Variants in PDE10A observed in about 807,000 individuals in gnomAD.
PDE10A encodes the protein phosphodiesterase 10A, also known as cAMP and cAMP-inhibited cGMP 3',5'-cyclic phosphodiesterase 10A.
In PDE10A, 39 loss-of-function variants were observed where a neutral mutation model predicts 97.7. The ratio of observed to expected loss-of-function variants is 0.40; its 90% CI spans 0.31 to 0.52. The LOEUF (loss-of-function observed/expected upper bound fraction) is 0.52, where lower values mean the gene tolerates loss of function less well. Among genes scored for constraint, PDE10A ranks in the 20% least tolerant of loss-of-function variants. The pLI is 0.56. For missense variants in PDE10A, 731 were observed against 1,047.8 expected (o/e 0.70, Z 4.17); for synonymous variants, 371 against 376.8 (o/e 0.98, Z 0.18).
chr6:165,513,166 AT>A (rs1441282540), intron 2 of PDE10A, among the ~76,000 whole-genome samples: 2 of 152,064 alleles, frequency 1.3e-5, no homozygotes, highest in African/African-American at 4.8e-5. Context: ...AAATTTTAGA[AT>A]TTAGCTCTTA....
intron 3 of PDE10A, among the ~76,000 whole-genome samples, chr6:165,475,951 G>A (rs1419966946): frequency 1.3e-5 from 2 of 152,072 alleles, no homozygotes; most frequent in African/African-American, 4.8e-5. Flanking sequence ...TTTCCTCGGG[G>A]TTCCCCTCAG....
chr6:165,434,621 G>T (rs1789862589), intron 6 of PDE10A, among the ~76,000 whole-genome samples: 2 of 152,176 alleles, frequency 1.3e-5, no homozygotes, highest in Admixed American at 1.3e-4. Context: ...GTAAGCAGTG[G>T]CTTGAAAACT....
intron 15 of PDE10A, among the ~76,000 whole-genome samples, chr6:165,393,797 A>G (rs1158900976): frequency 6.6e-6 from 1 of 152,186 alleles, no homozygotes; most frequent in African/African-American, 2.4e-5. Flanking sequence ...CTAAATGAGT[A>G]AAAAAGAGCA....
At chr6:165,950,618 C>G (rs1783923237) in intron 1 of PDE10A, among the ~76,000 whole-genome samples, 1 of 152,178 alleles carries the variant, frequency 6.6e-6, no homozygotes, top group Non-Finnish European at 1.5e-5. Flanking sequence ...CCTGTGCAGA[C>G]CAGGTCTGCT....
rs1273437780 is a variant in PDE10A, at chr6:165,331,666, C to A, written c.*1359G>T. ...GTTACCGTGCCATTGCACTAAAAATCTTTAAATTATTAAAATGCGCCAGAA... is the reference window on the plus strand; with the variant it reads ...GTTACCGTGCCATTGCACTAAAAATATTTAAATTATTAAAATGCGCCAGAA... On this transcript the variant is annotated 3_prime_UTR_variant, in exon 22 of 22. Coordinates refer to ENST00000539869, the MANE Select transcript of PDE10A (RefSeq NM_001385079.1). The A allele has an allele frequency of 1.3e-5, 2 of 152,204 alleles. No individual in the cohort carries two copies. The highest frequency in any genetic ancestry group is 2.9e-5 in the Non-Finnish European group (2 of 68,040). 9.4% of individuals were successfully genotyped at this position (152,204 alleles called of 1,614,324 possible). A position where few individuals can be genotyped will look rare whatever the true frequency, so the allele number is the denominator to read the frequency against.
chr6:165,929,432 T>C (rs1317476963), intron 1 of PDE10A, among the ~76,000 whole-genome samples: 1 of 152,178 alleles, frequency 6.6e-6, no homozygotes, highest in African/African-American at 2.4e-5. Context: ...ACACGTTCCA[T>C]ACATGTGATG....
chr6:165,616,251 GACAAAAC>G lies in PDE10A; in HGVS notation c.865+45689_865+45695del, dbSNP rs1256615049. 1.9e-3 allele frequency among the ~76,000 whole-genome samples: 284 copies of G among 152,198 alleles called. 2 individuals are homozygous for G. The highest frequency in any genetic ancestry group is 6.6e-3 in the African/African-American group (274 of 41,538). The stretch of plus-strand genomic sequence containing the variant: ...CCCAGAATCCTACCAGGAACCAACT[GACAAAAC>G]GATTCTGAAAATAAGAGGTCCCTGT... On this transcript the variant is annotated intron_variant, in intron 1 of 21. Transcript: ENST00000539869.
At chr6:165,806,033 C>A (rs1167976499) in intron 1 of PDE10A, among the ~76,000 whole-genome samples, 1 of 98,098 alleles carries the variant, frequency 1.0e-5, no homozygotes, top group Non-Finnish European at 1.8e-5. Context: ...TTTGTAGTTG[C>A]TTGATTATTA....
chr6:165,459,186 C>G (rs1778144465), intron 3 of PDE10A, among the ~76,000 whole-genome samples: 1 of 152,168 alleles, frequency 6.6e-6, no homozygotes, highest in South Asian at 2.1e-4. Flanking sequence ...GGCTGCCTCC[C>G]TGACTTCCTC....
chr6:165,632,876 A>G lies in PDE10A; in HGVS notation c.865+29071T>C, dbSNP rs77690375. 9.3e-3 allele frequency among the ~76,000 whole-genome samples: 1,415 copies of G among 152,252 alleles called. 14 individuals carry two copies. The highest frequency in any genetic ancestry group is 0.029 in the African/African-American group (1,187 of 41,540). The stretch of plus-strand genomic sequence containing the variant: ...ATCATTTTGCCTATTAGAGCTGTAT[A>G]CCCAAGAATTACGCAGATTTGCCAA... On this transcript the variant is annotated intron_variant, in intron 1 of 21. Transcript: ENST00000539869.
chr6:165,598,120 GA>G (rs979482591), intron 1 of PDE10A, among the ~76,000 whole-genome samples: 58 of 152,080 alleles, frequency 3.8e-4, no homozygotes, highest in Admixed American at 2.9e-3. Context: ...TTGTTGAGGG[GA>G]AAAAAACCCC....
intron 1 of PDE10A, among the ~76,000 whole-genome samples, chr6:165,923,136 T>C (rs1782802924): frequency 6.6e-6 from 1 of 152,190 alleles, no homozygotes; most frequent in Non-Finnish European, 1.5e-5. Flanking sequence ...AGATGAACAA[T>C]GCAAACAAAA....
upstream of PDE10A, among the ~76,000 whole-genome samples, chr6:165,667,856 G>A: frequency 6.6e-6 from 1 of 152,164 alleles, no homozygotes; most frequent in East Asian, 1.9e-4. Flanking sequence ...GGATAACCAT[G>A]TGAATATTAA....
At chr6:165,981,320 C>A (rs1053960847) in intron 1 of PDE10A, among the ~76,000 whole-genome samples, 1 of 151,580 alleles carries the variant, frequency 6.6e-6, no homozygotes. Context: ...TGAATAATTA[C>A]CCCTCATTTG....
intron 1 of PDE10A, among the ~76,000 whole-genome samples, chr6:165,736,704 GA>G (rs1792583839): frequency 6.6e-6 from 1 of 152,128 alleles, no homozygotes; most frequent in Admixed American, 6.5e-5. Context: ...TAAGGAAAAA[GA>G]AATACTTCAG....
chr6:165,745,069 C>T (rs1176474605), intron 1 of PDE10A, among the ~76,000 whole-genome samples: 1 of 152,116 alleles, frequency 6.6e-6, no homozygotes, highest in Non-Finnish European at 1.5e-5. Flanking sequence ...AAAATAATAG[C>T]AGTTGGTATT....
chr6:165,672,204 C>T (rs1017861220), intron 1 of PDE10A, among the ~76,000 whole-genome samples: 4 of 152,038 alleles, frequency 2.6e-5, no homozygotes, highest in South Asian at 2.1e-4. Flanking sequence ...TCATGTATAC[C>T]TTACTGGTCA....
At chr6:165,854,455 C>A (rs938011298) in intron 1 of PDE10A, among the ~76,000 whole-genome samples, 1 of 152,148 alleles carries the variant, frequency 6.6e-6, no homozygotes, top group African/African-American at 2.4e-5. Context: ...GGCTCTGCTG[C>A]GAGCCCCCAG....
intron 1 of PDE10A, among the ~76,000 whole-genome samples, chr6:165,684,867 A>G (rs189778618): frequency 1.2e-3 from 186 of 152,368 alleles, no homozygotes; most frequent in Non-Finnish European, 9.6e-4. Context: ...AAGATTTTGA[A>G]TAACACTGTG....
Sources: gnomAD v4.1 joint callset for allele counts (sites outside exome capture counted in the v4.1 genomes callset) on GRCh38, gnomAD v4.1.1 for gene constraint, MANE v1.5 for transcripts, NCBI Gene and HGNC (gene_info 2026-07-23, HGNC 2026-07-21) for gene names.